ANO5: variants seen among roughly 807,000 people sequenced by gnomAD.
ANO5 encodes anoctamin-5.
A neutral mutation model predicts 121.0 loss-of-function variants in ANO5; 109 were observed. The ratio of observed to expected loss-of-function variants is 0.90; its 90% CI spans 0.77 to 1.06. The LOEUF (loss-of-function observed/expected upper bound fraction) is 1.06. ANO5 is among the 50% of genes least tolerant of loss of function. ANO5 has a pLI of 0.00. For synonymous variants in ANO5, 406 were observed against 359.9 expected (o/e 1.13, Z -1.45); for missense variants, 1,064 against 1,078.5 (o/e 0.99, Z 0.19).
At chr11:22,230,027 A>G (rs6483837) in intron 7 of ANO5, among the ~76,000 whole-genome samples, 22,771 of 151,942 alleles carry the variant, frequency 0.15, 5,002 homozygotes, top group African/African-American at 0.48. Context: ...ATAGTAAATA[A>G]TATATAACCC....
At chr11:22,203,296 A>G (rs902175872) in intron 1 of ANO5, among the ~76,000 whole-genome samples, 1 of 152,134 alleles carries the variant, frequency 6.6e-6, no homozygotes, top group Non-Finnish European at 1.5e-5. Context: ...TTGAACATGT[A>G]TTTTAGTGCA....
At chr11:22,251,854 G>A (rs866254746) in intron 12 of ANO5, among the ~76,000 whole-genome samples, 2 of 151,210 alleles carry the variant, frequency 1.3e-5, no homozygotes, top group East Asian at 1.9e-4. Flanking sequence ...GTGAAACCCC[G>A]TCTCTACTAA....
chr11:22,193,599 G>A, intron 1 of ANO5, 67 bp downstream of exon 1: 2 of 1,565,348 alleles, frequency 1.3e-6, no homozygotes, highest in Non-Finnish European at 1.7e-6. Context: ...CACCCGCGGC[G>A]CAGAGGCCCC....
At chr11:22,248,568 A>G (rs1853697960) in intron 9 of ANO5, among the ~76,000 whole-genome samples, 1 of 152,040 alleles carries the variant, frequency 6.6e-6, no homozygotes, top group South Asian at 2.1e-4. Context: ...TTACTGTTAG[A>G]TACCCAAGTC....
rs1292429341 is a variant in ANO5 at position 22,257,705 on chromosome 11, A to G, written c.1358A>G (p.Tyr453Cys). Residue 453 changes from tyrosine (Y) to cysteine (C), a missense_variant, in exon 14 of 22, where the codon TAC becomes TGC. Physicochemically the swap from Tyr to Cys is radical, Grantham distance 194. Coordinates refer to ENST00000324559, the MANE Select transcript of ANO5 (RefSeq NM_213599.3). Reference sequence around the variant, plus strand: ...GAGATGGAACCTTACATGCCTCTATACACGCGTATTCCATGGTACTTTCTT... The same window carrying G: ...GAGATGGAACCTTACATGCCTCTATGCACGCGTATTCCATGGTACTTTCTT... ...TKEMEPYMPL[Y>C]TRIPWYFLSG... 1 of 1,612,486 alleles carries G rather than the reference A, an allele frequency of 6.2e-7. No homozygotes were observed. The highest frequency in any genetic ancestry group is 8.5e-7 in the Non-Finnish European group (1 of 1,178,712).
At chr11:22,245,773 C>T (rs531000060) in intron 9 of ANO5, among the ~76,000 whole-genome samples, 1 of 152,216 alleles carries the variant, frequency 6.6e-6, no homozygotes, top group Admixed American at 6.5e-5. Flanking sequence ...CTGTAGACAC[C>T]TTTCTGCAGT....
chr11:22,207,074 T>C (rs1044449757), intron 2 of ANO5, among the ~76,000 whole-genome samples: 19 of 151,824 alleles, frequency 1.3e-4, no homozygotes, highest in African/African-American at 3.4e-4. Flanking sequence ...TTGTAAAAAA[T>C]AAGAAAATTA....
intron 2 of ANO5, among the ~76,000 whole-genome samples, chr11:22,207,575 G>GA (rs1852156360): frequency 6.6e-6 from 1 of 151,960 alleles, no homozygotes; most frequent in South Asian, 2.1e-4. Context: ...ATTTTTTGAA[G>GA]AAAAAATGGA....
intron 9 of ANO5, among the ~76,000 whole-genome samples, chr11:22,240,804 GA>G (rs1853404122): frequency 1.3e-5 from 1 of 77,924 alleles, no homozygotes; most frequent in Non-Finnish European, 4.2e-5. Context: ...TAAAAAAGCA[GA>G]AACATTTTTT....
chr11:22,195,612 T>A (rs1851786327), intron 1 of ANO5, among the ~76,000 whole-genome samples: 1 of 152,014 alleles, frequency 6.6e-6, no homozygotes, highest in Non-Finnish European at 1.5e-5. Context: ...TTATTTTTTT[T>A]ATGAAGATGG....
At chr11:22,200,340 T>G (rs1412053982) in intron 1 of ANO5, among the ~76,000 whole-genome samples, 1 of 152,184 alleles carries the variant, frequency 6.6e-6, no homozygotes, top group Non-Finnish European at 1.5e-5. Flanking sequence ...CATCATACTT[T>G]CAACTAAAAT....
At chr11:22,238,478 A>G (rs1272437822) in intron 8 of ANO5, among the ~76,000 whole-genome samples, 1 of 152,072 alleles carries the variant, frequency 6.6e-6, no homozygotes, top group Non-Finnish European at 1.5e-5. Flanking sequence ...GGAGATAGCT[A>G]TAACTTACTG....
At chr11:22,275,055 G>T (rs975149701) in intron 20 of ANO5, among the ~76,000 whole-genome samples, 10 of 151,850 alleles carry the variant, frequency 6.6e-5, no homozygotes, top group Non-Finnish European at 1.2e-4. Flanking sequence ...ACCAACAAGT[G>T]CCCCTTAGTC....
At position 22,230,125 on chromosome 11, in the gene ANO5, C is replaced by T. The variant is rs78899074; in HGVS notation, c.648+2539C>T. On this transcript the variant is annotated intron_variant, in intron 7 of 21. Coordinates refer to ENST00000324559, the MANE Select transcript of ANO5 (RefSeq NM_213599.3). ...GAATATATATGATTATGTGTTTACACCTTTTATTGTGGAAAAAGTTTAGAC... is the reference window on the plus strand; with the variant it reads ...GAATATATATGATTATGTGTTTACATCTTTTATTGTGGAAAAAGTTTAGAC... Among the ~76,000 whole-genome samples the T allele has an allele frequency of 8.7e-3, 1,320 of 151,840 alleles. 28 individuals carry two copies. Among genetic ancestry groups the T allele is most frequent in the African/African-American group, 0.03 (1,245 of 41,430 alleles).
intron 20 of ANO5, among the ~76,000 whole-genome samples, chr11:22,274,977 G>A (rs537938424): frequency 6.6e-6 from 1 of 152,056 alleles, no homozygotes; most frequent in South Asian, 2.1e-4. Flanking sequence ...CAAAAACTAA[G>A]ATTATGGGTA....
intron 8 of ANO5, among the ~76,000 whole-genome samples, chr11:22,238,814 C>CA (rs1343065394): frequency 3.2e-4 from 48 of 152,106 alleles, no homozygotes; most frequent in African/African-American, 1.1e-3. Context: ...CATATGTATA[C>CA]ATGTGCCATG....
chr11:22,257,651 ATTTC>A, intron 13 of ANO5, 25 bp from the exon 14 acceptor site: 2 of 1,563,598 alleles, frequency 1.3e-6, no homozygotes, highest in Non-Finnish European at 1.8e-6. Context: ...GAGATTTTGA[ATTTC>A]TTTGTGATTT....
upstream of ANO5, chr11:22,193,004 C>G (rs1851693470): frequency 2.0e-6 from 2 of 985,238 alleles, no homozygotes; most frequent in Non-Finnish European, 1.2e-6. Context: ...GCCGGCCGGT[C>G]TTGCGGTCTG....
intron 2 of ANO5, among the ~76,000 whole-genome samples, chr11:22,208,811 A>T (rs2133542564): frequency 6.6e-6 from 1 of 152,114 alleles, no homozygotes; most frequent in South Asian, 2.1e-4. Flanking sequence ...ATTGCAAAAT[A>T]AAAAGTTAAA....
Sources: gnomAD v4.1 joint callset for allele counts (sites outside exome capture counted in the v4.1 genomes callset) on GRCh38, gnomAD v4.1.1 for gene constraint, MANE v1.5 for transcripts, NCBI Gene and HGNC (gene_info 2026-07-23, HGNC 2026-07-21) for gene names.